SPIN1: variants seen among roughly 807,000 people sequenced by gnomAD.
SPIN1 encodes spindlin 1.
SPIN1 carries 3 observed loss-of-function variants against 26.0 expected under a neutral mutation model. The ratio of observed to expected loss-of-function variants is 0.12; its 90% confidence interval spans 0.05 to 0.30. SPIN1 has a LOEUF of 0.30. Among genes scored for constraint, SPIN1 ranks in the 10% least tolerant of loss-of-function variants. The probability of loss-of-function intolerance (pLI) is 1.00; values close to 1 mark genes in which losing one functional copy is unlikely to be tolerated. For synonymous variants in SPIN1, 101 were observed against 116.5 expected, an observed-to-expected ratio of 0.87 and a Z score of 0.86; for missense variants, 126 against 333.4, an observed-to-expected ratio of 0.38 and a Z score of 4.84.
intron 3 of SPIN1, among the ~76,000 whole-genome samples, chr9:88,454,891 T>C (rs1035735825): frequency 6.6e-6 from 1 of 152,210 alleles, no homozygotes. Flanking sequence ...AATTAGTATA[T>C]TATTCTAATT....
At chr9:88,445,085 C>A (rs529219535) in intron 2 of SPIN1, among the ~76,000 whole-genome samples, 1 of 152,172 alleles carries the variant, frequency 6.6e-6, no homozygotes, top group East Asian at 1.9e-4. Context: ...ATTTGAGGCA[C>A]CCTTTCCTGG....
chr9:88,422,169 G>T (rs1827682469), intron 1 of SPIN1, among the ~76,000 whole-genome samples: 1 of 152,114 alleles, frequency 6.6e-6, no homozygotes, highest in South Asian at 2.1e-4. Flanking sequence ...TCTCTTGATA[G>T]TTTTAGCAAC....
intron 3 of SPIN1, among the ~76,000 whole-genome samples, chr9:88,459,187 A>T (rs1380143733): frequency 6.6e-6 from 1 of 152,218 alleles, no homozygotes; most frequent in Non-Finnish European, 1.5e-5. Context: ...AGAAAGCCTG[A>T]TCCTGTACGG....
chr9:88,465,147 C>A (rs1828639681), intron 4 of SPIN1, among the ~76,000 whole-genome samples: 1 of 152,136 alleles, frequency 6.6e-6, no homozygotes, highest in Admixed American at 6.5e-5. Flanking sequence ...TATCTGTTCA[C>A]CCATTAATGG....
intron 1 of SPIN1, among the ~76,000 whole-genome samples, chr9:88,422,310 T>C (rs925559635): frequency 2.0e-5 from 3 of 152,194 alleles, no homozygotes; most frequent in African/African-American, 7.2e-5. Context: ...GAATCTAAAA[T>C]TTTTTTGTTT....
At chr9:88,453,294 T>G (rs940972710) in intron 3 of SPIN1, among the ~76,000 whole-genome samples, 4 of 152,196 alleles carry the variant, frequency 2.6e-5, no homozygotes, top group Admixed American at 2.0e-4. Context: ...TTTACTTTTT[T>G]GGGAACAGGA....
chr9:88,396,797 G>A (rs765824458), intron 1 of SPIN1, among the ~76,000 whole-genome samples: 7 of 152,042 alleles, frequency 4.6e-5, no homozygotes, highest in Non-Finnish European at 8.8e-5. Flanking sequence ...AACCTACTAG[G>A]CACCTAGGCT....
intron 1 of SPIN1, among the ~76,000 whole-genome samples, chr9:88,409,396 A>G (rs570355589): frequency 6.6e-6 from 1 of 152,144 alleles, no homozygotes; most frequent in Non-Finnish European, 1.5e-5. Flanking sequence ...CTAGTAGATC[A>G]CATTATAAAT....
At chr9:88,397,552 C>T (rs545785183) in intron 1 of SPIN1, among the ~76,000 whole-genome samples, 10 of 151,998 alleles carry the variant, frequency 6.6e-5, no homozygotes, top group South Asian at 2.1e-4. Context: ...TGCGTGCTTG[C>T]ACATTTTCAT....
chr9:88,458,353 G>A (rs1828513700), intron 3 of SPIN1, among the ~76,000 whole-genome samples: 1 of 152,178 alleles, frequency 6.6e-6, no homozygotes, highest in Admixed American at 6.5e-5. Flanking sequence ...GTTCAAAAGG[G>A]AGGAATATGC....
At chr9:88,442,076 C>A (rs1355141086) in intron 2 of SPIN1, among the ~76,000 whole-genome samples, 6 of 151,076 alleles carry the variant, frequency 4.0e-5, no homozygotes, top group African/African-American at 7.3e-5. Flanking sequence ...CTCAGCCTCC[C>A]AAGTAGCTAG....
intron 1 of SPIN1, among the ~76,000 whole-genome samples, chr9:88,414,984 A>G (rs1004316499): frequency 6.6e-6 from 1 of 151,904 alleles, no homozygotes; most frequent in Non-Finnish European, 1.5e-5. Context: ...GCTCACTGCA[A>G]CCTCCACCTC....
chr9:88,474,660 T>G (rs1339533679), intron 5 of SPIN1, among the ~76,000 whole-genome samples: 1 of 152,232 alleles, frequency 6.6e-6, no homozygotes, highest in Non-Finnish European at 1.5e-5. Context: ...TCAAAGCCAC[T>G]CAAACTTATT....
intron 2 of SPIN1, among the ~76,000 whole-genome samples, chr9:88,433,342 C>T (rs1206234945): frequency 6.6e-6 from 1 of 152,164 alleles, no homozygotes; most frequent in Non-Finnish European, 1.5e-5. Context: ...CTTGGTCTCC[C>T]TAAGTGCTGG....
chr9:88,448,858 G>A, intron 2 of SPIN1, 83 bp from the exon 3 acceptor site: 2 of 1,353,668 alleles, frequency 1.5e-6, no homozygotes, highest in Non-Finnish European at 2.1e-6. Context: ...CTGTATAGCA[G>A]TTTTTCAGAA....
At chr9:88,457,490 A>ACT (rs1828493886) in intron 3 of SPIN1, among the ~76,000 whole-genome samples, 1 of 152,148 alleles carries the variant, frequency 6.6e-6, no homozygotes, top group Non-Finnish European at 1.5e-5. Context: ...AGATTGCACC[A>ACT]CTATACTCCA....
intron 2 of SPIN1, among the ~76,000 whole-genome samples, chr9:88,434,655 G>GT (rs1319154674): frequency 1.3e-5 from 2 of 151,988 alleles, no homozygotes; most frequent in African/African-American, 2.4e-5. Flanking sequence ...CTTCCTCATT[G>GT]TTTTTTTACA....
chr9:88,394,147 C>T (rs915239820), intron 1 of SPIN1, among the ~76,000 whole-genome samples: 7 of 152,222 alleles, frequency 4.6e-5, no homozygotes, highest in Non-Finnish European at 1.0e-4. Context: ...CCATGTGTGG[C>T]TTTATCCAGT....
At chr9:88,458,885 A>G (rs1171555720) in intron 3 of SPIN1, among the ~76,000 whole-genome samples, 1 of 152,154 alleles carries the variant, frequency 6.6e-6, no homozygotes, top group Non-Finnish European at 1.5e-5. Context: ...GAGGTCCACC[A>G]ACATTATGAG....
Sources: gnomAD v4.1 joint callset for allele counts (sites outside exome capture counted in the v4.1 genomes callset) on GRCh38, gnomAD v4.1.1 for gene constraint, MANE v1.5 for transcripts, NCBI Gene and HGNC (gene_info 2026-07-23, HGNC 2026-07-21) for gene names.